KCNQ5: variants seen among roughly 807,000 people sequenced by gnomAD.
KCNQ5 encodes the protein potassium voltage-gated channel subfamily KQT member 5.
A neutral mutation model predicts 98.2 loss-of-function variants in KCNQ5; 30 were observed. The observed-to-expected ratio is 0.31, with a 90% CI of 0.23 to 0.41. KCNQ5 has a LOEUF of 0.41. KCNQ5 is among the 10% of genes least tolerant of loss of function. The pLI, the probability that KCNQ5 is intolerant of heterozygous loss-of-function variation, is 1.00. For synonymous variants in KCNQ5, 458 were observed against 449.4 expected (o/e 1.02, Z -0.24); for missense variants, 835 against 1,182.5 (o/e 0.71, Z 4.31).
intron 1 of KCNQ5, among the ~76,000 whole-genome samples, chr6:72,837,130 CA>C: frequency 6.6e-6 from 1 of 152,306 alleles, no homozygotes; most frequent in East Asian, 1.9e-4. Flanking sequence ...ACTATTACAT[CA>C]AATTTTCAAA....
intron 1 of KCNQ5, among the ~76,000 whole-genome samples, chr6:72,729,339 G>C (rs9293901): frequency 0.36 from 55,392 of 151,890 alleles, 13,673 homozygotes; most frequent in African/African-American, 0.67. Flanking sequence ...CCGGGCTGGA[G>C]TGCAGTGGCA....
chr6:72,987,895 C>T (rs1768874983), intron 1 of KCNQ5: 1 of 288,566 alleles, frequency 3.5e-6, no homozygotes, highest in South Asian at 4.9e-5. Context: ...ATAAACTTAG[C>T]GTTCCAATAA....
chr6:73,022,757 A>T (rs1414723193), intron 2 of KCNQ5, among the ~76,000 whole-genome samples: 1 of 152,150 alleles, frequency 6.6e-6, no homozygotes, highest in East Asian at 1.9e-4. Context: ...AGAGGAAGGG[A>T]CTCATTTCCA....
intron 1 of KCNQ5, among the ~76,000 whole-genome samples, chr6:72,742,834 A>G (rs74694874): frequency 0.014 from 2,191 of 152,286 alleles, 42 homozygotes; most frequent in African/African-American, 0.048. Flanking sequence ...AATGTACCCA[A>G]TAGAATGCAG....
intron 1 of KCNQ5, among the ~76,000 whole-genome samples, chr6:72,625,290 A>G (rs184860923): frequency 1.2e-4 from 18 of 152,376 alleles, no homozygotes; most frequent in Admixed American, 3.3e-4. Context: ...ATGGCTGGAC[A>G]GAGCAAGGGA....
At chr6:72,978,157 C>T (rs544061435) in intron 1 of KCNQ5, among the ~76,000 whole-genome samples, 31 of 152,312 alleles carry the variant, frequency 2.0e-4, no homozygotes, top group African/African-American at 6.7e-4. Flanking sequence ...TAAATGCTCT[C>T]CTGTTGCACA....
intron 3 of KCNQ5, among the ~76,000 whole-genome samples, 193 bp from the exon 4 acceptor site, chr6:73,077,129 C>T (rs190953884): frequency 9.9e-5 from 15 of 152,262 alleles, no homozygotes; most frequent in Admixed American, 2.0e-4. Flanking sequence ...ATAGGTAGGT[C>T]CCATTCTCTG....
chr6:73,119,584 TC>T (rs1429766347), intron 7 of KCNQ5, among the ~76,000 whole-genome samples: 1 of 152,216 alleles, frequency 6.6e-6, no homozygotes, highest in Non-Finnish European at 1.5e-5. Context: ...CTGTTTTAGT[TC>T]TGCTTCTTGA....
chr6:72,985,930 C>A (rs1562111763), intron 1 of KCNQ5, among the ~76,000 whole-genome samples: 1 of 152,012 alleles, frequency 6.6e-6, no homozygotes, highest in South Asian at 2.1e-4. Flanking sequence ...AATGGTGGAT[C>A]GGATAAAGAA....
intron 2 of KCNQ5, among the ~76,000 whole-genome samples, chr6:73,035,114 G>A (rs1042962748): frequency 2.0e-5 from 3 of 151,656 alleles, no homozygotes; most frequent in Non-Finnish European, 4.4e-5. Flanking sequence ...GAAAGCGCTG[G>A]GATTACAGGT....
chr6:72,834,420 T>C (rs1776417852), intron 1 of KCNQ5, among the ~76,000 whole-genome samples: 1 of 152,170 alleles, frequency 6.6e-6, no homozygotes, highest in South Asian at 2.1e-4. Flanking sequence ...TATGTGCCTA[T>C]ATAGAATAAA....
intron 1 of KCNQ5, among the ~76,000 whole-genome samples, chr6:72,721,245 G>C (rs886188636): frequency 7.9e-5 from 12 of 152,260 alleles, no homozygotes; most frequent in African/African-American, 2.6e-4. Flanking sequence ...GAGATGTGCA[G>C]TTCTTGGATG....
chr6:73,194,745 C>T lies in KCNQ5; in HGVS notation c.2130C>T (p.His710=). The change falls in exon 14 of 14, where the codon CAC becomes CAT. Residue 710 remains histidine, a synonymous_variant. Coordinates refer to ENST00000370398, the MANE Select transcript of KCNQ5 (RefSeq NM_019842.4). ...QTFYALSPTM[H]SQATQVPISQ... is the part of the protein sequence containing the mutation. ...TCTACGCGCTTAGCCCTACTATGCA[C>T]AGTCAAGCAACACAGGTGCCAATTA... 1.2e-6 allele frequency: 2 copies of T among 1,614,256 alleles called. No individual in the cohort carries two copies. The highest frequency in any genetic ancestry group is 8.5e-7 in the Non-Finnish European group (1 of 1,180,038).
chr6:72,945,092 A>G (rs1260784891), intron 1 of KCNQ5, among the ~76,000 whole-genome samples: 2 of 152,220 alleles, frequency 1.3e-5, no homozygotes, highest in Non-Finnish European at 2.9e-5. Flanking sequence ...ATATCAGATT[A>G]TGTCCTTTGA....
intron 3 of KCNQ5, among the ~76,000 whole-genome samples, chr6:73,049,049 G>A (rs1772095752): frequency 2.0e-5 from 3 of 152,160 alleles, no homozygotes; most frequent in South Asian, 2.1e-4. Flanking sequence ...AATTTTCAAA[G>A]TGGTGCCTGC....
intron 1 of KCNQ5, among the ~76,000 whole-genome samples, chr6:72,791,429 C>G (rs1459007467): frequency 6.6e-6 from 1 of 152,152 alleles, no homozygotes; most frequent in Admixed American, 6.5e-5. Context: ...TGCCCTCCCC[C>G]TCACCCCAAG....
intron 1 of KCNQ5, among the ~76,000 whole-genome samples, chr6:72,751,157 T>C (rs1404819877): frequency 1.3e-5 from 2 of 151,972 alleles, no homozygotes; most frequent in South Asian, 2.1e-4. Context: ...GAGTAAGAAG[T>C]AGCATTTGAA....
At chr6:72,662,710 A>T (rs1010814745) in intron 1 of KCNQ5, among the ~76,000 whole-genome samples, 5 of 151,982 alleles carry the variant, frequency 3.3e-5, no homozygotes, top group African/African-American at 1.2e-4. Context: ...GAACTAAATC[A>T]CTGTTCATCT....
chr6:72,946,462 A>G (rs1341004453), intron 1 of KCNQ5, among the ~76,000 whole-genome samples: 1 of 152,188 alleles, frequency 6.6e-6, no homozygotes, highest in Non-Finnish European at 1.5e-5. Context: ...ACTGAAAAAC[A>G]TAACTGAGTT....
Sources: gnomAD v4.1 joint callset for allele counts (sites outside exome capture counted in the v4.1 genomes callset) on GRCh38, gnomAD v4.1.1 for gene constraint, MANE v1.5 for transcripts, NCBI Gene and HGNC (gene_info 2026-07-23, HGNC 2026-07-21) for gene names.